Variants in IL31RA observed in about 807,000 individuals in gnomAD.
IL31RA encodes the protein interleukin-31 receptor subunit alpha.
IL31RA carries 66 observed loss-of-function variants against 83.7 expected under a neutral mutation model. That is an observed-to-expected ratio of 0.79 (90% CI 0.65 to 0.97). The LOEUF is 0.97. IL31RA is among the 50% of genes least tolerant of loss of function. IL31RA has a pLI of 0.00. For synonymous variants in IL31RA, 325 were observed against 329.0 expected, an observed-to-expected ratio of 0.99 and a Z score of 0.13; for missense variants, 798 against 919.4, an observed-to-expected ratio of 0.87 and a Z score of 1.71.
At chr5:55,911,776 A>G (rs748003714) in intron 12 of IL31RA, among the ~76,000 whole-genome samples, 1 of 152,224 alleles carries the variant, frequency 6.6e-6, no homozygotes, top group Non-Finnish European at 1.5e-5. Context: ...GTCTTAAAGA[A>G]TGAACAACGC....
At chr5:55,851,979 A>T (rs1745097131) in intron 1 of IL31RA, among the ~76,000 whole-genome samples, 1 of 152,172 alleles carries the variant, frequency 6.6e-6, no homozygotes, top group Non-Finnish European at 1.5e-5. Flanking sequence ...GAGAGTAGAG[A>T]TAAATGTATA....
Position 55,899,265 on chromosome 5 carries a change from T to C in IL31RA, c.853-651T>C, listed in dbSNP as rs187911629. ...ATCAGTAACAGAAGGGGAAGCCCTATAAATTCTGGGAAATACTGTCTCCTA... is the reference window on the plus strand; with the variant it reads ...ATCAGTAACAGAAGGGGAAGCCCTACAAATTCTGGGAAATACTGTCTCCTA... On this transcript the variant is annotated intron_variant, in intron 7 of 14. Coordinates refer to ENST00000652347, the MANE Select transcript of IL31RA (RefSeq NM_139017.7). Among the ~76,000 whole-genome samples, 186 of 152,292 alleles carry C rather than the reference T, an allele frequency of 1.2e-3. 1 individual carries two copies. The Middle Eastern group carries it at 0.017, about 14-fold the overall frequency.
intron 1 of IL31RA, among the ~76,000 whole-genome samples, chr5:55,857,863 C>T (rs1410779932): frequency 6.6e-6 from 1 of 152,208 alleles, no homozygotes; most frequent in Non-Finnish European, 1.5e-5. Context: ...CCACCTAACA[C>T]ATGGCTGGGA....
upstream of IL31RA, among the ~76,000 whole-genome samples, chr5:55,848,191 G>A (rs1051896682): frequency 2.0e-5 from 3 of 152,184 alleles, no homozygotes; most frequent in Non-Finnish European, 4.4e-5. Flanking sequence ...GAAGGTGGGA[G>A]AAGAGAGGGA....
At chr5:55,888,466 C>T (rs1362869489) in intron 5 of IL31RA, among the ~76,000 whole-genome samples, 6 of 152,064 alleles carry the variant, frequency 3.9e-5, no homozygotes, top group Admixed American at 3.9e-4. Context: ...ACTACACAGG[C>T]TGAGCATGTG....
the IL31RA span, among the ~76,000 whole-genome samples, chr5:55,844,426 A>T: frequency 1.3e-5 from 2 of 152,216 alleles, no homozygotes; most frequent in African/African-American, 4.8e-5. Flanking sequence ...AAGTGAAGGT[A>T]AAAGAAACAC....
intron 5 of IL31RA, among the ~76,000 whole-genome samples, chr5:55,885,214 C>A (rs1374064762): frequency 6.6e-6 from 1 of 152,102 alleles, no homozygotes; most frequent in Admixed American, 6.5e-5. Flanking sequence ...CCATAGACAC[C>A]CTGTTTACTG....
Position 55,906,072 on chromosome 5 carries a change from G to A in IL31RA, c.1070-34G>A, listed in dbSNP as rs1749130045. ...TTGTTGCATTTGGGGAATGAGTTGGGTAGCTGTGAAGCAGTCCTTTTCTCT... is the reference window on the plus strand; with the variant it reads ...TTGTTGCATTTGGGGAATGAGTTGGATAGCTGTGAAGCAGTCCTTTTCTCT... On this transcript the variant is annotated intron_variant, in intron 8 of 14. Coordinates refer to ENST00000652347, the MANE Select transcript of IL31RA (RefSeq NM_139017.7). 2.5e-6 allele frequency: 4 copies of A among 1,608,112 alleles called. No individual in the cohort carries two copies. The East Asian group carries it at 8.9e-5, about 36-fold the overall frequency.
In IL31RA at chr5:55,897,015, A is replaced by ATTTT. The variant is rs1178147444; in HGVS notation, c.852+597_852+600dup. On this transcript the variant is annotated intron_variant, in intron 7 of 14. Transcript: ENST00000652347. ...AAAAAAAAAAAATATATATATATAT[A>ATTTT]TTTTTTTTTTTTTTGGTTGAGGCTG... Among the ~76,000 whole-genome samples, 3 of 844 alleles carry ATTTT rather than the reference A, an allele frequency of 3.6e-3. 1 individual carries two copies. In the Admixed American group the frequency reaches 0.088, roughly 25 times the overall value. 0.6% of individuals were successfully genotyped at this position (844 alleles called of 152,430 possible).
chr5:55,861,884 A>C (rs1025000960), intron 2 of IL31RA, among the ~76,000 whole-genome samples: 1 of 152,156 alleles, frequency 6.6e-6, no homozygotes, highest in African/African-American at 2.4e-5. Context: ...TTGCTCTTCT[A>C]TGTCAAGATA....
At chr5:55,892,361 G>C (rs1325923626) in intron 6 of IL31RA, among the ~76,000 whole-genome samples, 2 of 152,218 alleles carry the variant, frequency 1.3e-5, no homozygotes, top group Non-Finnish European at 2.9e-5. Flanking sequence ...TCATACCCAA[G>C]TTGCAGACTG....
At chr5:55,908,004 A>G (rs1263117679) in intron 10 of IL31RA, among the ~76,000 whole-genome samples, 2 of 152,238 alleles carry the variant, frequency 1.3e-5, no homozygotes, top group African/African-American at 2.4e-5. Context: ...GATATGAATG[A>G]AAAAGCTGGG....
Position 55,921,002 on chromosome 5 carries a change from T to C in IL31RA, c.*3882T>C, listed in dbSNP as rs1277790927. On this transcript the variant is annotated 3_prime_UTR_variant, in exon 15 of 15. Transcript: ENST00000652347. Reference sequence around the variant, plus strand: ...GCCGGCAATGCTGGAAATTATCTTATAATGCGCAGAACAGCCCTCACAACA... The same window carrying C: ...GCCGGCAATGCTGGAAATTATCTTACAATGCGCAGAACAGCCCTCACAACA... Among the ~76,000 whole-genome samples, 1 of 152,106 alleles carries C rather than the reference T, an allele frequency of 6.6e-6. No homozygotes were observed. Among genetic ancestry groups the C allele is most frequent in the Non-Finnish European group, 1.5e-5 (1 of 68,018 alleles).
chr5:55,882,288 G>T (rs1307849596), intron 4 of IL31RA, among the ~76,000 whole-genome samples: 1 of 152,110 alleles, frequency 6.6e-6, no homozygotes, highest in East Asian at 1.9e-4. Flanking sequence ...CATTCATAAA[G>T]TAGAATATTA....
intron 11 of IL31RA, chr5:55,908,886 T>C: frequency 3.1e-6 from 4 of 1,305,914 alleles, no homozygotes; most frequent in South Asian, 2.4e-5. Flanking sequence ...TTTCTTATGG[T>C]AAAATACACG....
At chr5:55,886,547 T>C (rs1747630397) in intron 5 of IL31RA, among the ~76,000 whole-genome samples, 1 of 152,130 alleles carries the variant, frequency 6.6e-6, no homozygotes, top group Non-Finnish European at 1.5e-5. Context: ...GTGTTGGGAT[T>C]ATGGGCATAA....
intron 12 of IL31RA, among the ~76,000 whole-genome samples, chr5:55,911,796 T>G (rs1271916253): frequency 6.6e-6 from 1 of 152,182 alleles, no homozygotes; most frequent in Non-Finnish European, 1.5e-5. Context: ...CTTTTTAGAT[T>G]AAAAATGAAG....
rs1343976779 is a variant in IL31RA, at chr5:55,916,799, G to A, written c.1974G>A (p.Thr658=). 6.8e-6 allele frequency: 11 copies of A among 1,614,046 alleles called. No individual in the cohort carries two copies. The highest frequency in any genetic ancestry group is 4.0e-5 in the African/African-American group (3 of 74,908). ...LQEIFTDEAR[T]GQENNLGGEK... is the part of the protein sequence containing the mutation. Reference sequence around the variant, plus strand: ...AAATTTTCACAGATGAAGCCAGAACGGGTCAGGAAAACAATTTAGGAGGGG... The same window carrying A: ...AAATTTTCACAGATGAAGCCAGAACAGGTCAGGAAAACAATTTAGGAGGGG... The change falls in exon 15 of 15, where the codon ACG becomes ACA. Residue 658 remains threonine (T), a synonymous_variant. Coordinates refer to ENST00000652347, the MANE Select transcript of IL31RA (RefSeq NM_139017.7).
intron 4 of IL31RA, among the ~76,000 whole-genome samples, chr5:55,879,778 T>TA (rs1747093768): frequency 6.6e-6 from 1 of 151,392 alleles, no homozygotes; most frequent in Admixed American, 6.6e-5. Flanking sequence ...AACAAGAACT[T>TA]AGAGCTACCT....
Sources: gnomAD v4.1 joint callset for allele counts (sites outside exome capture counted in the v4.1 genomes callset) on GRCh38, gnomAD v4.1.1 for gene constraint, MANE v1.5 for transcripts, NCBI Gene and HGNC (gene_info 2026-07-23, HGNC 2026-07-21) for gene names.